The following NRXN1 variants were observed in gnomAD, a reference collection of about 807,000 sequenced individuals.
NRXN1 encodes neurexin-1.
Under a neutral mutation model 150.9 loss-of-function variants are expected in NRXN1, and 39 were observed. That is an observed-to-expected ratio of 0.26 (90% CI 0.20 to 0.34). The LOEUF is 0.34. Ranked by LOEUF, NRXN1 falls within the 10% of genes least tolerant of loss-of-function variation. The probability of loss-of-function intolerance (pLI) is 1.00; values close to 1 mark genes in which losing one functional copy is unlikely to be tolerated. For missense variants in NRXN1, 1,815 were observed against 1,949.9 expected, an observed-to-expected ratio of 0.93 and a Z score of 1.30; for synonymous variants, 924 against 757.0, an observed-to-expected ratio of 1.22 and a Z score of -3.62.
At chr2:50,693,959 T>C (rs1237075740) in intron 5 of NRXN1, among the ~76,000 whole-genome samples, 1 of 152,058 alleles carries the variant, frequency 6.6e-6, no homozygotes, top group Non-Finnish European at 1.5e-5. Flanking sequence ...GGTCGGCTAA[T>C]TGTTTTTATT....
Position 50,499,194 on chromosome 2 carries a change from T to C in NRXN1, c.2498-1480A>G, listed in dbSNP as rs190418242. 2.6e-5 allele frequency among the ~76,000 whole-genome samples: 4 copies of C among 152,330 alleles called. No individual in the cohort carries two copies. In the East Asian group the frequency reaches 5.8e-4, roughly 22 times the overall value. ...TTTGCTTAAGTGACTTTGATGATTA[T>C]ACATATATTTGTACACAAAACTCCC... On this transcript the variant is annotated intron_variant, in intron 13 of 22. Coordinates refer to ENST00000401669, the MANE Select transcript of NRXN1 (RefSeq NM_001330078.2).
chr2:50,746,433 C>A (rs2105304883), intron 5 of NRXN1, among the ~76,000 whole-genome samples: 1 of 152,032 alleles, frequency 6.6e-6, no homozygotes, highest in African/African-American at 2.4e-5. Context: ...GTGGTGTCTG[C>A]CTGTGGTCCC....
At chr2:50,627,108 T>C (rs1681236703) in intron 5 of NRXN1, among the ~76,000 whole-genome samples, 1 of 151,992 alleles carries the variant, frequency 6.6e-6, no homozygotes, top group Non-Finnish European at 1.5e-5. Context: ...TTGCCAAGGC[T>C]ACCGAAAGTC....
At chr2:50,308,377 T>C (rs901525921) in intron 17 of NRXN1, among the ~76,000 whole-genome samples, 1 of 152,186 alleles carries the variant, frequency 6.6e-6, no homozygotes, top group Non-Finnish European at 1.5e-5. Context: ...TTGCCCAGGC[T>C]GGAGTGCAGT....
intron 18 of NRXN1, among the ~76,000 whole-genome samples, chr2:50,205,789 C>T (rs1332145156): frequency 6.6e-6 from 1 of 152,010 alleles, no homozygotes; most frequent in African/African-American, 2.4e-5. Context: ...AAATGAAATA[C>T]TGATACATGT....
At chr2:50,029,286 G>A (rs1688836121) in intron 21 of NRXN1, among the ~76,000 whole-genome samples, 1 of 152,158 alleles carries the variant, frequency 6.6e-6, no homozygotes, top group South Asian at 2.1e-4. Context: ...ATAAATGTAT[G>A]TTGTTTAGAA....
chr2:50,964,022 T>G, intron 2 of NRXN1: 1 of 431,192 alleles, frequency 2.3e-6, no homozygotes, highest in Non-Finnish European at 4.6e-6. Flanking sequence ...AATCAGCATT[T>G]AATTTTTTGC....
intron 13 of NRXN1, 101 bp from the exon 14 acceptor site, chr2:50,497,815 A>T: frequency 3.7e-6 from 4 of 1,087,734 alleles, no homozygotes; most frequent in Non-Finnish European, 5.3e-6. Context: ...AAGGAGCCAA[A>T]TCCCTCCTTG....
intron 17 of NRXN1, among the ~76,000 whole-genome samples, chr2:50,429,642 T>C (rs1216908461): frequency 3.9e-5 from 6 of 152,174 alleles, no homozygotes. Flanking sequence ...AAAATCTTTC[T>C]AGGAAAAATA....
chr2:50,605,602 G>C (rs919229307), intron 8 of NRXN1, among the ~76,000 whole-genome samples: 1 of 152,134 alleles, frequency 6.6e-6, no homozygotes, highest in Admixed American at 6.5e-5. Flanking sequence ...ATGCCTGTTA[G>C]GCTGGCTATT....
intron 12 of NRXN1, among the ~76,000 whole-genome samples, chr2:50,512,832 T>C (rs928843841): frequency 1.3e-5 from 2 of 152,184 alleles, no homozygotes; most frequent in Non-Finnish European, 2.9e-5. Flanking sequence ...GCAGAATCAG[T>C]ACAATTTACA....
At chr2:50,183,260 A>G (rs2060850942) in intron 18 of NRXN1, among the ~76,000 whole-genome samples, 1 of 152,088 alleles carries the variant, frequency 6.6e-6, no homozygotes, top group Admixed American at 6.6e-5. Flanking sequence ...AATTGAATAA[A>G]AATTGGCATC....
intron 2 of NRXN1, among the ~76,000 whole-genome samples, chr2:50,997,077 G>C (rs1445739843): frequency 6.6e-6 from 1 of 152,000 alleles, no homozygotes; most frequent in African/African-American, 2.4e-5. Flanking sequence ...GATTAAGTTT[G>C]GGTCCAGGCA....
chr2:50,085,653 GTTA>G lies in NRXN1; in HGVS notation c.3718+5667_3718+5669del, dbSNP rs547149642. Among the ~76,000 whole-genome samples the G allele has an allele frequency of 4.2e-3, 640 of 150,718 alleles. 4 individuals carry two copies. The highest frequency in any genetic ancestry group is 0.014 in the African/African-American group (589 of 41,124). ...AAAACTTTAGTGAAAACAAAATATG[GTTA>G]TTATAAGATAAATTATAATTTATCA... On this transcript the variant is annotated intron_variant, in intron 19 of 22. Transcript: ENST00000401669.
At chr2:50,000,081 C>T (rs1346846911) in intron 21 of NRXN1, among the ~76,000 whole-genome samples, 6 of 152,118 alleles carry the variant, frequency 3.9e-5, no homozygotes, top group Admixed American at 3.9e-4. Flanking sequence ...CTTTCCTGCA[C>T]CTGGGCTGTA....
At chr2:50,888,230 G>T (rs1015704476) in intron 5 of NRXN1, among the ~76,000 whole-genome samples, 1 of 151,398 alleles carries the variant, frequency 6.6e-6, no homozygotes, top group Non-Finnish European at 1.5e-5. Flanking sequence ...AAAACACAAC[G>T]CAAAAACCTT....
chr2:50,605,106 G>T (rs1441348762), intron 8 of NRXN1, among the ~76,000 whole-genome samples: 1 of 152,116 alleles, frequency 6.6e-6, no homozygotes, highest in Non-Finnish European at 1.5e-5. Context: ...ATAATTCAAA[G>T]GTGAGATGAA....
intron 17 of NRXN1, among the ~76,000 whole-genome samples, chr2:50,398,184 C>G (rs1274528162): frequency 6.6e-6 from 1 of 152,112 alleles, no homozygotes; most frequent in Non-Finnish European, 1.5e-5. Flanking sequence ...ACTCCCAGCA[C>G]TTGTAGAACT....
At chr2:50,164,564 AC>A (rs957524359) in intron 18 of NRXN1, among the ~76,000 whole-genome samples, 1 of 152,118 alleles carries the variant, frequency 6.6e-6, no homozygotes, top group Non-Finnish European at 1.5e-5. Context: ...GTCAAATGTG[AC>A]TTTTCCTGTT....
Sources: gnomAD v4.1 joint callset for allele counts (sites outside exome capture counted in the v4.1 genomes callset) on GRCh38, gnomAD v4.1.1 for gene constraint, MANE v1.5 for transcripts, NCBI Gene and HGNC (gene_info 2026-07-23, HGNC 2026-07-21) for gene names.